CDC123: variants seen among roughly 807,000 people sequenced by gnomAD.
CDC123 encodes cell division cycle 123, also known as translation initiation factor eIF2 assembly protein.
A neutral mutation model predicts 54.4 loss-of-function variants in CDC123; 37 were observed. The ratio of observed to expected loss-of-function variants is 0.68; its 90% CI spans 0.52 to 0.89. The LOEUF (loss-of-function observed/expected upper bound fraction) is 0.89, where lower values mean the gene tolerates loss of function less well. Ranked by LOEUF, CDC123 falls within the 40% of genes least tolerant of loss-of-function variation. CDC123 has a pLI of 0.00. For synonymous variants in CDC123, 144 were observed against 136.8 expected, an observed-to-expected ratio of 1.05 and a Z score of -0.37; for missense variants, 361 against 412.1, an observed-to-expected ratio of 0.88 and a Z score of 1.07.
Position 12,239,779 on chromosome 10 carries a change from C to T in CDC123, c.717+1294C>T, listed in dbSNP as rs568290612. On this transcript the variant is annotated intron_variant, in intron 10 of 12. Transcript: ENST00000281141. ...ATCCCAGCACTTTGGGAGGCCGAGA[C>T]GGGCAGATCACGAGGTCAGGAGATC... is the stretch of plus-strand genomic sequence containing the variant. Among the ~76,000 whole-genome samples, 905 of 150,810 alleles carry T rather than the reference C, an allele frequency of 6.0e-3. 12 individuals carry two copies. The highest frequency in any genetic ancestry group is 0.021 in the African/African-American group (867 of 41,082).
intron 7 of CDC123, among the ~76,000 whole-genome samples, chr10:12,233,441 C>G (rs994429523): frequency 6.6e-6 from 1 of 152,144 alleles, no homozygotes; most frequent in Non-Finnish European, 1.5e-5. Context: ...GAGACACTCC[C>G]TATCCCCTTC....
At chr10:12,233,594 A>G (rs746768903) in intron 7 of CDC123, among the ~76,000 whole-genome samples, 21 of 152,152 alleles carry the variant, frequency 1.4e-4, no homozygotes, top group Non-Finnish European at 2.9e-4. Context: ...TAGCCTATAT[A>G]TATATATAAA....
intron 6 of CDC123, among the ~76,000 whole-genome samples, chr10:12,225,510 C>T (rs1330838410): frequency 6.7e-6 from 1 of 150,204 alleles, no homozygotes; most frequent in Admixed American, 6.6e-5. Context: ...TCCACTCTCT[C>T]ATTTTCAAAC....
At chr10:12,197,381 ATT>A (rs33990698) in intron 1 of CDC123, among the ~76,000 whole-genome samples, 1 of 150,496 alleles carries the variant, frequency 6.6e-6, no homozygotes, top group Non-Finnish European at 1.5e-5. Flanking sequence ...GAAGAACTAG[ATT>A]TTTTTTTTTT....
intron 10 of CDC123, among the ~76,000 whole-genome samples, chr10:12,239,264 A>C (rs1038330150): frequency 6.6e-6 from 1 of 152,128 alleles, no homozygotes; most frequent in African/African-American, 2.4e-5. Flanking sequence ...AATAGCTGAA[A>C]TCATTGTGTA....
chr10:12,248,604 G>A (rs1343389700), intron 11 of CDC123, among the ~76,000 whole-genome samples: 3 of 151,310 alleles, frequency 2.0e-5, no homozygotes, highest in Non-Finnish European at 2.9e-5. Flanking sequence ...TTGGGAGTTC[G>A]AGACCATCCT....
chr10:12,233,726 T>C (rs1403874729), intron 7 of CDC123, among the ~76,000 whole-genome samples: 1 of 152,128 alleles, frequency 6.6e-6, no homozygotes, highest in African/African-American at 2.4e-5. Context: ...TAATAAGGCT[T>C]GACTAAGAGC....
intron 2 of CDC123, chr10:12,199,002 C>T (rs1017554006): frequency 1.8e-5 from 7 of 388,610 alleles, no homozygotes; most frequent in African/African-American, 4.3e-5. Flanking sequence ...CAGTTCCTTT[C>T]ATCTCTGTCT....
chr10:12,235,050 C>A lies in CDC123; in HGVS notation c.492C>A (p.Leu164=). Residue 164 remains leucine, a splice_region_variant and synonymous_variant, in exon 8 of 13, where the codon CTC becomes CTA. Coordinates refer to ENST00000281141, the MANE Select transcript of CDC123 (RefSeq NM_006023.3). The part of the protein sequence containing the change: ...DSPDPCIEYE[L]VLRKWCELIP... ...AATATTTTTTCTTTTGTTTACAGCT[C>A]GTTCTCCGAAAATGGTGTGAATTGA... The A allele has an allele frequency of 6.2e-7, 1 of 1,613,012 alleles. No homozygotes were observed. The highest frequency in any genetic ancestry group is 8.5e-7 in the Non-Finnish European group (1 of 1,179,170).
At chr10:12,229,431 AG>A (rs1390255801) in intron 6 of CDC123, among the ~76,000 whole-genome samples, 1 of 152,096 alleles carries the variant, frequency 6.6e-6, no homozygotes, top group African/African-American at 2.4e-5. Flanking sequence ...TTCCCCCTTG[AG>A]TCCTGCACTC....
intron 2 of CDC123, among the ~76,000 whole-genome samples, chr10:12,199,677 A>G (rs1472612682): frequency 6.6e-6 from 1 of 152,166 alleles, no homozygotes; most frequent in Non-Finnish European, 1.5e-5. Context: ...TCTGGATTAT[A>G]TTTCTGTTTT....
At chr10:12,202,977 T>G (rs1381515429) in intron 2 of CDC123, among the ~76,000 whole-genome samples, 1 of 152,216 alleles carries the variant, frequency 6.6e-6, no homozygotes, top group African/African-American at 2.4e-5. Flanking sequence ...ATCGCACCAT[T>G]GCACCCCAGC....
chr10:12,196,875 A>T (rs1028728519), intron 1 of CDC123, among the ~76,000 whole-genome samples: 2 of 152,220 alleles, frequency 1.3e-5, no homozygotes, highest in Non-Finnish European at 2.9e-5. Context: ...CAGTGTATAT[A>T]TACTTAAAAA....
At chr10:12,220,011 T>G (rs1438724550) in intron 6 of CDC123, among the ~76,000 whole-genome samples, 3 of 152,162 alleles carry the variant, frequency 2.0e-5, no homozygotes, top group African/African-American at 4.8e-5. Context: ...TTTTGTATTT[T>G]TAGTAGAGAA....
chr10:12,215,405 A>AT (rs1232084047), intron 4 of CDC123, among the ~76,000 whole-genome samples: 1 of 151,964 alleles, frequency 6.6e-6, no homozygotes, highest in Non-Finnish European at 1.5e-5. Context: ...CCACCTGTCT[A>AT]TTTTCTCTTG....
At position 12,230,876 on chromosome 10, in the gene CDC123, A is replaced by G. The variant is rs1315662729; in HGVS notation, c.441-72A>G. 1.2e-5 allele frequency: 16 copies of G among 1,365,758 alleles called. No individual in the cohort carries two copies. In the East Asian group the frequency reaches 2.7e-4, roughly 23 times the overall value. The allele number at this position is 1,365,758 out of a possible 1,614,324, so 84.6% of individuals were successfully genotyped here. On this transcript the variant is annotated intron_variant, in intron 6 of 12. Transcript: ENST00000281141. ...GTAAAACGTTACTCTCATGTTAAATATATGTTAAGTGTGTGCATAAACTGG... is the reference window on the plus strand; with the variant it reads ...GTAAAACGTTACTCTCATGTTAAATGTATGTTAAGTGTGTGCATAAACTGG...
chr10:12,219,198 A>G (rs574109301), intron 6 of CDC123, among the ~76,000 whole-genome samples: 1 of 152,346 alleles, frequency 6.6e-6, no homozygotes, highest in African/African-American at 2.4e-5. Context: ...CAGCTTGGAC[A>G]TAAGGTTGTA....
chr10:12,217,269 A>AG, intron 5 of CDC123, 92 bp from the exon 6 acceptor site: 1 of 1,212,536 alleles, frequency 8.2e-7, no homozygotes, highest in Non-Finnish European at 1.1e-6. Context: ...AAACCCTTGA[A>AG]GTGATATGCA....
At chr10:12,231,093 T>C in intron 7 of CDC123, 97 bp downstream of exon 7, 1 of 1,185,730 alleles carries the variant, frequency 8.4e-7, no homozygotes, top group Non-Finnish European at 1.2e-6. Flanking sequence ...TTTCTTGGAT[T>C]AATTTCTTCG....
Sources: gnomAD v4.1 joint callset for allele counts (sites outside exome capture counted in the v4.1 genomes callset) on GRCh38, gnomAD v4.1.1 for gene constraint, MANE v1.5 for transcripts, NCBI Gene and HGNC (gene_info 2026-07-23, HGNC 2026-07-21) for gene names.